The following SGMS2 variants were observed in gnomAD, a reference collection of about 807,000 sequenced individuals.
The protein encoded by SGMS2 is phosphatidylcholine:ceramide cholinephosphotransferase 2.
A neutral mutation model predicts 43.8 loss-of-function variants in SGMS2; 21 were observed. The ratio of observed to expected loss-of-function variants is 0.48; its 90% CI spans 0.34 to 0.69. The LOEUF (loss-of-function observed/expected upper bound fraction) is 0.69. Among genes scored for constraint, SGMS2 ranks in the 30% least tolerant of loss-of-function variants. The pLI, the probability that SGMS2 is intolerant of heterozygous loss-of-function variation, is 0.01. For synonymous variants in SGMS2, 167 were observed against 160.6 expected, an observed-to-expected ratio of 1.04 and a Z score of -0.30; for missense variants, 384 against 443.2, an observed-to-expected ratio of 0.87 and a Z score of 1.20.
chr4:107,856,475 AG>A (rs1727433416), intron 1 of SGMS2, among the ~76,000 whole-genome samples: 1 of 152,212 alleles, frequency 6.6e-6, no homozygotes, highest in Admixed American at 6.5e-5. Flanking sequence ...TGACCATATT[AG>A]AAATATCATT....
At position 107,914,047 on chromosome 4, in the gene SGMS2, T is replaced by C. The variant is rs1367019562; in HGVS notation, c.*3494T>C. Reference sequence around the variant, plus strand: ...TAAATCAAGCATATTATAAGTTATATGCCATGTGTTGAAGGCTTTTCTATT... The same window carrying C: ...TAAATCAAGCATATTATAAGTTATACGCCATGTGTTGAAGGCTTTTCTATT... On this transcript the variant is annotated 3_prime_UTR_variant, in exon 7 of 7. Transcript: ENST00000690982. 6.6e-6 allele frequency: 1 copy of C among 152,160 alleles called. No homozygotes were observed. The highest frequency in any genetic ancestry group is 2.4e-5 in the African/African-American group (1 of 41,460). 9.4% of individuals were successfully genotyped at this position (152,160 alleles called of 1,614,324 possible).
intron 2 of SGMS2, among the ~76,000 whole-genome samples, chr4:107,886,407 G>A (rs768142511): frequency 9.2e-4 from 127 of 137,468 alleles, no homozygotes; most frequent in Non-Finnish European, 1.5e-3. Context: ...TAAACGCAGG[G>A]TTTCGCCATG....
At chr4:107,889,974 A>G (rs1382725191) in intron 2 of SGMS2, among the ~76,000 whole-genome samples, 1 of 152,184 alleles carries the variant, frequency 6.6e-6, no homozygotes, top group East Asian at 1.9e-4. Context: ...TGGGTTTCCA[A>G]AAAGGGAGAA....
intron 2 of SGMS2, among the ~76,000 whole-genome samples, chr4:107,876,907 A>G (rs1038669353): frequency 6.6e-6 from 1 of 152,202 alleles, no homozygotes; most frequent in Non-Finnish European, 1.5e-5. Context: ...ATGTTAAACT[A>G]CTAGACTCAG....
At chr4:107,829,417 A>C (rs1437350499) in intron 1 of SGMS2, among the ~76,000 whole-genome samples, 1 of 152,204 alleles carries the variant, frequency 6.6e-6, no homozygotes, top group Non-Finnish European at 1.5e-5. Flanking sequence ...AGTAGTGTTC[A>C]TTTCAGCCAC....
chr4:107,833,044 G>T (rs189733916), intron 1 of SGMS2, among the ~76,000 whole-genome samples: 2 of 152,156 alleles, frequency 1.3e-5, no homozygotes, highest in East Asian at 1.9e-4. Context: ...GAAAAAAGAC[G>T]TTGATACTAA....
At position 107,848,909 on chromosome 4, in the gene SGMS2, C is replaced by T. The variant is rs76557724; in HGVS notation, c.-326-9563C>T. On this transcript the variant is annotated intron_variant, in intron 1 of 6. Coordinates refer to ENST00000690982, the MANE Select transcript of SGMS2 (RefSeq NM_001375905.1). Reference sequence around the variant, plus strand: ...AGTTTTTAATTTTAATGGAGTCCAACTTACCAATTTTTTCTTTCTTTCATG... The same window carrying T: ...AGTTTTTAATTTTAATGGAGTCCAATTTACCAATTTTTTCTTTCTTTCATG... Among the ~76,000 whole-genome samples, 1,478 of 152,244 alleles carry T rather than the reference C, an allele frequency of 9.7e-3. 13 individuals carry two copies. The highest frequency in any genetic ancestry group is 0.013 in the Non-Finnish European group (874 of 68,006).
chr4:107,884,880 G>A (rs1259099589), intron 2 of SGMS2, among the ~76,000 whole-genome samples: 1 of 152,162 alleles, frequency 6.6e-6, no homozygotes, highest in Admixed American at 6.6e-5. Context: ...TGTCATGGGT[G>A]TGCATCCTCA....
intron 2 of SGMS2, among the ~76,000 whole-genome samples, chr4:107,892,232 T>TAAAAAAA (rs1378310635): frequency 4.6e-5 from 1 of 21,598 alleles, no homozygotes; most frequent in Admixed American, 4.7e-4. Flanking sequence ...CAACTAAAAC[T>TAAAAAAA]CCAAAAAAAA....
rs1730585769 is a variant in SGMS2, at chr4:107,895,445, A to G, written c.-109A>G. The G allele has an allele frequency of 2.7e-6, 3 of 1,127,772 alleles. No individual in the cohort carries two copies. The highest frequency in any genetic ancestry group is 3.1e-5 in the South Asian group (2 of 64,264). 69.9% of individuals were successfully genotyped at this position (1,127,772 alleles called of 1,614,324 possible). ...CATTTTGTATTAGGAAACAAAGTCC[A>G]TTGTAAGAGTCCATGTTGATCTTGG... On this transcript the variant is annotated 5_prime_UTR_variant, in exon 3 of 7. Coordinates refer to ENST00000690982, the MANE Select transcript of SGMS2 (RefSeq NM_001375905.1).
intron 2 of SGMS2, among the ~76,000 whole-genome samples, chr4:107,891,853 C>A (rs929638619): frequency 6.6e-6 from 1 of 151,922 alleles, no homozygotes; most frequent in Non-Finnish European, 1.5e-5. Context: ...CACATGGTGA[C>A]AAAAAGGAAG....
intron 6 of SGMS2, among the ~76,000 whole-genome samples, chr4:107,909,094 C>G (rs1437054134): frequency 6.6e-6 from 1 of 150,748 alleles, no homozygotes; most frequent in African/African-American, 2.4e-5. Flanking sequence ...GAGAAGGTAA[C>G]AGCTATTTTT....
intron 4 of SGMS2, among the ~76,000 whole-genome samples, chr4:107,900,803 C>T (rs867891570): frequency 6.6e-6 from 1 of 152,172 alleles, no homozygotes; most frequent in African/African-American, 2.4e-5. Context: ...CACAGTCTCC[C>T]TCACCAAATA....
intron 4 of SGMS2, among the ~76,000 whole-genome samples, chr4:107,900,539 G>A (rs1731034543): frequency 6.6e-6 from 1 of 152,190 alleles, no homozygotes; most frequent in Non-Finnish European, 1.5e-5. Flanking sequence ...GAAAGAGAGA[G>A]TGGCCTTTGA....
intron 2 of SGMS2, among the ~76,000 whole-genome samples, chr4:107,881,949 CT>C (rs1578600952): frequency 6.6e-6 from 1 of 152,114 alleles, no homozygotes; most frequent in African/African-American, 2.4e-5. Flanking sequence ...ACATCCTATT[CT>C]TTTTTATGGC....
rs71601068 is a variant in SGMS2, at chr4:107,905,556, G to T, written c.727+2170G>T. Among the ~76,000 whole-genome samples the T allele has an allele frequency of 8.6e-3, 1,317 of 152,288 alleles. 14 individuals carry two copies. The highest frequency in any genetic ancestry group is 0.015 in the Non-Finnish European group (1,007 of 68,028). On this transcript the variant is annotated intron_variant, in intron 5 of 6. Coordinates refer to ENST00000690982, the MANE Select transcript of SGMS2 (RefSeq NM_001375905.1). ...TTACAACCACCCTCTGAGGAATGCA[G>T]TATTTTTTCCCATTTTTCAGATGAG...
chr4:107,904,337 C>T (rs537081283), intron 5 of SGMS2, among the ~76,000 whole-genome samples: 1 of 152,182 alleles, frequency 6.6e-6, no homozygotes, highest in African/African-American at 2.4e-5. Context: ...GGCAGCTTCC[C>T]CTCCCCTGTC....
Position 107,860,175 on chromosome 4 carries a change from A to G in SGMS2, c.-245+1622A>G, listed in dbSNP as rs991283781. 5.3e-5 allele frequency among the ~76,000 whole-genome samples: 8 copies of G among 152,130 alleles called. 1 individual carries two copies. The highest frequency in any genetic ancestry group is 5.2e-4 in the Admixed American group (8 of 15,270). On this transcript the variant is annotated intron_variant, in intron 2 of 6. Coordinates refer to ENST00000690982, the MANE Select transcript of SGMS2 (RefSeq NM_001375905.1). ...ATTTGCCCTCTTCATAATGTAAAAG[A>G]TAGCGTACTATATTTCTCTGCAATG... is the stretch of plus-strand genomic sequence containing the variant.
intron 2 of SGMS2, among the ~76,000 whole-genome samples, chr4:107,882,087 C>A (rs771803132): frequency 2.2e-4 from 34 of 152,106 alleles, no homozygotes; most frequent in Non-Finnish European, 3.5e-4. Flanking sequence ...GCAGATATCT[C>A]TTTGATATGC....
Sources: allele counts gnomAD v4.1 joint callset (sites outside exome capture counted in the v4.1 genomes callset), GRCh38; gene constraint gnomAD v4.1.1; transcripts MANE v1.5; gene names NCBI Gene and HGNC (gene_info 2026-07-23, HGNC 2026-07-21).